The following ARHGEF9 variants were observed in gnomAD, a reference collection of about 807,000 sequenced individuals.
ARHGEF9 encodes Cdc42 guanine nucleotide exchange factor 9.
ARHGEF9 carries 2 observed loss-of-function variants against 41.3 expected under a neutral mutation model. That is an observed-to-expected ratio of 0.05 (90% CI 0.02 to 0.15). The LOEUF is 0.15. ARHGEF9 is among the 10% of genes least tolerant of loss of function. The probability of loss-of-function intolerance (pLI) is 1.00; values close to 1 mark genes in which losing one functional copy is unlikely to be tolerated. For synonymous variants in ARHGEF9, 160 were observed against 154.4 expected (o/e 1.04, Z -0.27); for missense variants, 225 against 424.7 (o/e 0.53, Z 4.13).
At chrX:63,754,229 A>C in intron 1 of ARHGEF9, 1 of 1,079,652 alleles carries the variant, frequency 9.3e-7, no homozygotes, top group Admixed American at 2.2e-5. Context: ...ATTTCACTCA[A>C]GCAATAGGCA....
At chrX:63,678,177 G>A (rs1257300136) in intron 5 of ARHGEF9, among the ~76,000 whole-genome samples, 163 bp downstream of exon 5, 1 of 111,904 alleles carries the variant, frequency 8.9e-6, no homozygotes, top group Non-Finnish European at 1.9e-5. Flanking sequence ...TGATAGCTCT[G>A]CCTTCTGTAC....
At chrX:63,766,333 CAGA>C (rs1435877625) in intron 1 of ARHGEF9, among the ~76,000 whole-genome samples, 1 of 111,784 alleles carries the variant, frequency 8.9e-6, no homozygotes, top group Non-Finnish European at 1.9e-5. Flanking sequence ...AACTGATATC[CAGA>C]GGAGTTAGGT....
intron 1 of ARHGEF9, among the ~76,000 whole-genome samples, chrX:63,759,702 G>C (rs2055999747): frequency 8.9e-6 from 1 of 112,196 alleles, no homozygotes; most frequent in East Asian, 2.8e-4. Context: ...TGCTTACTCT[G>C]TGTCAGGCAC....
chrX:63,732,029 C>T (rs2054333670), intron 1 of ARHGEF9: 1 of 111,690 alleles, frequency 9.0e-6, no homozygotes, highest in Admixed American at 9.5e-5. Flanking sequence ...TGATAGGATG[C>T]TTTTACTGCT....
At chrX:63,772,675 G>C (rs1448580748) in intron 1 of ARHGEF9, among the ~76,000 whole-genome samples, 1 of 111,240 alleles carries the variant, frequency 9.0e-6, no homozygotes, top group Non-Finnish European at 1.9e-5. Context: ...CTGTGCTATT[G>C]ACCACTGAAC....
chrX:63,650,697 T>C (rs2048486617), intron 8 of ARHGEF9, among the ~76,000 whole-genome samples: 2 of 111,038 alleles, frequency 1.8e-5, no homozygotes, highest in Admixed American at 1.9e-4. Context: ...GTGATGAATA[T>C]CGCAATTACC....
chrX:63,733,332 C>A (rs1413503344), intron 1 of ARHGEF9, among the ~76,000 whole-genome samples: 1 of 111,951 alleles, frequency 8.9e-6, no homozygotes, highest in Non-Finnish European at 1.9e-5. Flanking sequence ...TAGGTGGCTT[C>A]TATGGCAGGC....
At chrX:63,743,117 T>C (rs1556428557) in intron 1 of ARHGEF9, among the ~76,000 whole-genome samples, 1 of 111,503 alleles carries the variant, frequency 9.0e-6, no homozygotes, top group African/African-American at 3.3e-5. Flanking sequence ...GCAGGAGAAT[T>C]GCTTGAACCT....
intron 4 of ARHGEF9, among the ~76,000 whole-genome samples, chrX:63,679,365 T>G (rs2050473201): frequency 9.0e-6 from 1 of 111,695 alleles, no homozygotes; most frequent in African/African-American, 3.3e-5. Context: ...AACTCTATAA[T>G]TTTTATTATA....
chrX:63,696,547 C>G (rs2051762909), intron 4 of ARHGEF9, among the ~76,000 whole-genome samples: 1 of 112,122 alleles, frequency 8.9e-6, no homozygotes, highest in African/African-American at 3.2e-5. Flanking sequence ...TGTCACTTCA[C>G]CTTCTCCAGT....
At chrX:63,782,902 G>A in intron 1 of ARHGEF9, among the ~76,000 whole-genome samples, 1 of 112,607 alleles carries the variant, frequency 8.9e-6, no homozygotes, top group East Asian at 2.8e-4. Context: ...TAGTGGCAAG[G>A]CCAAAACTTA....
At chrX:63,723,026 T>C (rs1265909241) in intron 2 of ARHGEF9, 4 of 111,746 alleles carry the variant, frequency 3.6e-5, no homozygotes, top group Admixed American at 9.4e-5. Context: ...CAGGTAACAA[T>C]ACTTTCTGGA....
At chrX:63,762,924 G>A (rs1222475016) in intron 1 of ARHGEF9, among the ~76,000 whole-genome samples, 2 of 111,643 alleles carry the variant, frequency 1.8e-5, no homozygotes, top group Admixed American at 1.9e-4. Flanking sequence ...TCCACATAAT[G>A]AATAGTAAAT....
chrX:63,780,615 AAAC>A (rs1182178128), intron 1 of ARHGEF9, among the ~76,000 whole-genome samples: 3 of 112,500 alleles, frequency 2.7e-5, no homozygotes, highest in Non-Finnish European at 3.7e-5. Flanking sequence ...TACAAAAAAC[AAAC>A]AACAACAACA....
At chrX:63,763,474 G>A (rs782215618) in intron 1 of ARHGEF9, among the ~76,000 whole-genome samples, 12 of 30,031 alleles carry the variant, frequency 4.0e-4, no homozygotes, top group South Asian at 2.1e-3. Flanking sequence ...CCTCCACCCC[G>A]TGCTTCAGTT....
chrX:63,716,645 T>A (rs1465808029), intron 2 of ARHGEF9, among the ~76,000 whole-genome samples: 1 of 111,897 alleles, frequency 8.9e-6, no homozygotes, highest in East Asian at 2.8e-4. Flanking sequence ...TCACCATGCT[T>A]TACCTGCTTA....
chrX:63,643,072 T>G (rs2047743700), intron 9 of ARHGEF9, among the ~76,000 whole-genome samples: 1 of 112,197 alleles, frequency 8.9e-6, no homozygotes, highest in South Asian at 3.7e-4. Context: ...ATAAAGTGAC[T>G]GACACTGAAT....
chrX:63,726,097 G>A (rs1320873213), intron 1 of ARHGEF9, among the ~76,000 whole-genome samples: 1 of 111,865 alleles, frequency 8.9e-6, no homozygotes, highest in Non-Finnish European at 1.9e-5. Flanking sequence ...AACATGTTTT[G>A]TTCAGGTCCT....
At chrX:63,665,788 A>T (rs2049498621) in intron 7 of ARHGEF9, 98 bp downstream of exon 7, 9 of 1,065,522 alleles carry the variant, frequency 8.4e-6, no homozygotes, top group Non-Finnish European at 8.9e-6. Context: ...CCCCATCAGT[A>T]TTTGCCCACT....
Sources: gnomAD v4.1 joint callset for allele counts (sites outside exome capture counted in the v4.1 genomes callset) on GRCh38, gnomAD v4.1.1 for gene constraint, MANE v1.5 for transcripts, NCBI Gene and HGNC (gene_info 2026-07-23, HGNC 2026-07-21) for gene names.